Variants in NCAM2 observed in about 807,000 individuals in gnomAD.
The protein encoded by NCAM2 is N-CAM-2.
A neutral mutation model predicts 98.1 loss-of-function variants in NCAM2; 30 were observed. The observed-to-expected ratio is 0.31, with a 90% CI of 0.23 to 0.41. NCAM2 has a LOEUF of 0.41. Ranked by LOEUF, NCAM2 falls within the 10% of genes least tolerant of loss-of-function variation. The pLI is 1.00. For missense variants in NCAM2, 867 were observed against 1,005.8 expected, an observed-to-expected ratio of 0.86 and a Z score of 1.87; for synonymous variants, 368 against 342.4, an observed-to-expected ratio of 1.07 and a Z score of -0.83.
At chr21:21,491,363 A>C (rs144647361) in intron 15 of NCAM2, among the ~76,000 whole-genome samples, 2 of 151,800 alleles carry the variant, frequency 1.3e-5, no homozygotes, top group African/African-American at 4.8e-5. Flanking sequence ...AAAGTCCATA[A>C]AGGAAATATA....
chr21:21,114,729 C>T (rs576781664), intron 1 of NCAM2, among the ~76,000 whole-genome samples: 2 of 152,332 alleles, frequency 1.3e-5, no homozygotes, highest in African/African-American at 2.4e-5. Flanking sequence ...CACTTCAGGG[C>T]TTCCCAGAGC....
At chr21:21,189,552 C>G (rs73228519) in intron 1 of NCAM2, among the ~76,000 whole-genome samples, 1 of 152,032 alleles carries the variant, frequency 6.6e-6, no homozygotes, top group East Asian at 1.9e-4. Flanking sequence ...ACAGCAAGAC[C>G]TCGTCTCTAT....
chr21:21,484,292 CATTA>C (rs1486630312), intron 15 of NCAM2, among the ~76,000 whole-genome samples: 1 of 151,046 alleles, frequency 6.6e-6, no homozygotes, highest in Non-Finnish European at 1.5e-5. Context: ...TGTAGGTTTG[CATTA>C]ATTGTTAATG....
chr21:21,486,867 A>G (rs1019142614), intron 15 of NCAM2, among the ~76,000 whole-genome samples: 7 of 152,160 alleles, frequency 4.6e-5, no homozygotes, highest in Admixed American at 4.6e-4. Flanking sequence ...GCAGAGTTAT[A>G]TACATTTAAA....
At chr21:21,057,312 A>T (rs957571383) in intron 1 of NCAM2, among the ~76,000 whole-genome samples, 4 of 152,172 alleles carry the variant, frequency 2.6e-5, no homozygotes, top group African/African-American at 4.8e-5. Context: ...TTGAGATGTA[A>T]CAAAGACGTG....
chr21:21,453,033 AAT>A (rs1491026430), intron 12 of NCAM2, among the ~76,000 whole-genome samples: 108 of 110,884 alleles, frequency 9.7e-4, no homozygotes, highest in South Asian at 2.6e-3. Flanking sequence ...AATATATAAA[AAT>A]AATATATACA....
intron 9 of NCAM2, among the ~76,000 whole-genome samples, chr21:21,379,744 A>T (rs1298555022): frequency 1.3e-5 from 2 of 152,058 alleles, no homozygotes; most frequent in East Asian, 3.9e-4. Flanking sequence ...TTTTAATGTC[A>T]GTTAGATCAA....
chr21:21,453,233 G>A (rs1981602956), intron 12 of NCAM2, among the ~76,000 whole-genome samples: 1 of 150,292 alleles, frequency 6.7e-6, no homozygotes, highest in Non-Finnish European at 1.5e-5. Context: ...TGCTGTGTAA[G>A]TGGGGGTGGG....
At chr21:21,214,028 A>G (rs1455468936) in intron 1 of NCAM2, among the ~76,000 whole-genome samples, 2 of 152,190 alleles carry the variant, frequency 1.3e-5, no homozygotes, top group African/African-American at 4.8e-5. Context: ...CTGAACACCA[A>G]CTTCTACTTT....
intron 1 of NCAM2, among the ~76,000 whole-genome samples, chr21:21,050,258 A>C (rs2065081133): frequency 6.6e-6 from 1 of 152,222 alleles, no homozygotes; most frequent in South Asian, 2.1e-4. Context: ...AACTTTCTTA[A>C]GGATGCACTG....
rs1012513050 is a variant in NCAM2, at chr21:21,409,806, A to G, written c.1196-468A>G. Reference sequence around the variant, plus strand: ...CATATATTTTCGTGAGTTCTGATGCACTGTGTTAAATACACAAAATTAGGC... The same window carrying G: ...CATATATTTTCGTGAGTTCTGATGCGCTGTGTTAAATACACAAAATTAGGC... On this transcript the variant is annotated intron_variant, in intron 9 of 17. Coordinates refer to ENST00000400546, the MANE Select transcript of NCAM2 (RefSeq NM_004540.5). Among the ~76,000 whole-genome samples the G allele has an allele frequency of 3.3e-5, 5 of 152,312 alleles. No homozygotes were observed. In the South Asian group the frequency reaches 1.0e-3, roughly 32 times the overall value.
At chr21:21,300,959 T>G (rs923055022) in intron 5 of NCAM2, among the ~76,000 whole-genome samples, 1 of 152,088 alleles carries the variant, frequency 6.6e-6, no homozygotes, top group Admixed American at 6.6e-5. Flanking sequence ...ATATATTTAT[T>G]AATGTATGTG....
intron 12 of NCAM2, among the ~76,000 whole-genome samples, 158 bp downstream of exon 12, chr21:21,432,439 G>A (rs1453948065): frequency 2.0e-5 from 3 of 151,222 alleles, no homozygotes; most frequent in Admixed American, 1.3e-4. Context: ...ATAATAACTC[G>A]AATACAGAGT....
chr21:21,388,757 G>C (rs573667548), intron 9 of NCAM2, among the ~76,000 whole-genome samples: 1 of 152,118 alleles, frequency 6.6e-6, no homozygotes, highest in Non-Finnish European at 1.5e-5. Context: ...TTATTCGGTT[G>C]TACATTATAT....
chr21:21,031,809 TACACACACAC>T (rs67929765), intron 1 of NCAM2, among the ~76,000 whole-genome samples: 1 of 151,152 alleles, frequency 6.6e-6, no homozygotes, highest in Non-Finnish European at 1.5e-5. Flanking sequence ...CACACTCTTA[TACACACACAC>T]ACACACACAC....
chr21:21,457,345 A>G lies in NCAM2; in HGVS notation c.1655-9261A>G, dbSNP rs1414531863. Among the ~76,000 whole-genome samples, 3 of 152,202 alleles carry G rather than the reference A, an allele frequency of 2.0e-5. No homozygotes were observed. In the East Asian group the frequency reaches 5.8e-4, roughly 29 times the overall value. ...CAATGGAGGAAAGGGCATCATTGTT[A>G]AAAAGTGGCAAAGAGGTCTGACGCG... On this transcript the variant is annotated intron_variant, in intron 12 of 17. Coordinates refer to ENST00000400546, the MANE Select transcript of NCAM2 (RefSeq NM_004540.5).
chr21:21,499,998 ATATATATTATAAAATACTACCTGTT>A (rs1987523048), intron 15 of NCAM2, among the ~76,000 whole-genome samples: 2 of 152,172 alleles, frequency 1.3e-5, no homozygotes, highest in African/African-American at 4.8e-5. Context: ...ACATATTTCA[ATATATATTATAAAATACTACCTGTT>A]TATAATTTAA....
intron 11 of NCAM2, among the ~76,000 whole-genome samples, chr21:21,426,442 A>T (rs1250150258): frequency 6.6e-6 from 1 of 152,130 alleles, no homozygotes; most frequent in Admixed American, 6.5e-5. Context: ...TCAAGCAGAA[A>T]CTGATTTATG....
intron 1 of NCAM2, among the ~76,000 whole-genome samples, chr21:21,271,933 T>C (rs953824595): frequency 2.0e-5 from 3 of 152,090 alleles, no homozygotes; most frequent in Non-Finnish European, 2.9e-5. Context: ...TTAGGAGATA[T>C]ACCTCATGTA....
Sources: allele counts gnomAD v4.1 joint callset (sites outside exome capture counted in the v4.1 genomes callset), GRCh38; gene constraint gnomAD v4.1.1; transcripts MANE v1.5; gene names NCBI Gene and HGNC (gene_info 2026-07-23, HGNC 2026-07-21).